BBS1: variants seen among roughly 807,000 people sequenced by gnomAD.
The protein encoded by BBS1 is Bardet-Biedl syndrome 1, also known as BBSome complex member BBS1.
Under a neutral mutation model 73.9 loss-of-function variants are expected in BBS1, and 60 were observed. That is an observed-to-expected ratio of 0.81 (90% CI 0.66 to 1.01). The LOEUF (loss-of-function observed/expected upper bound fraction) is 1.01. Among genes scored for constraint, BBS1 ranks in the 50% least tolerant of loss-of-function variants. BBS1 has a pLI of 0.00. For missense variants in BBS1, 718 were observed against 770.3 expected, an observed-to-expected ratio of 0.93 and a Z score of 0.80; for synonymous variants, 283 against 317.4, an observed-to-expected ratio of 0.89 and a Z score of 1.15.
Position 66,526,667 on chromosome 11 carries a change from A to C in BBS1, c.1199A>C (p.Lys400Thr). ...MTTRGGGLII[K>T]ILKRTAVFVE... is the part of the protein sequence containing the mutation. ...TCCCTAGGTGGTGGCCTGATCATCA[A>C]GATCCTGAAGCGTACAGCAGTGTTT... The change falls in exon 13 of 17, where the codon AAG becomes ACG. Residue 400 changes from lysine (K) to threonine (T), a missense_variant. Transcript: ENST00000318312. 6.2e-7 allele frequency: 1 copy of C among 1,614,222 alleles called. No individual in the cohort carries two copies.
At chr11:66,522,410 C>T (rs918007314) in intron 9 of BBS1, among the ~76,000 whole-genome samples, 1 of 150,662 alleles carries the variant, frequency 6.6e-6, no homozygotes, top group African/African-American at 2.4e-5. Context: ...TGCAGTGGCA[C>T]GATCTCGGCT....
At chr11:66,522,568 G>C (rs996646367) in intron 9 of BBS1, among the ~76,000 whole-genome samples, 2 of 151,988 alleles carry the variant, frequency 1.3e-5, no homozygotes, top group African/African-American at 4.8e-5. Flanking sequence ...GGCTGGTCTC[G>C]AACGCCTGAC....
chr11:66,526,735 A>T lies in BBS1; in HGVS notation c.1267A>T (p.Met423Leu). The T allele has an allele frequency of 1.9e-6, 3 of 1,614,248 alleles. No individual in the cohort carries two copies. The highest frequency in any genetic ancestry group is 2.5e-6 in the Non-Finnish European group (3 of 1,180,036). The change falls in exon 13 of 17, where the codon ATG becomes TTG. Residue 423 changes from methionine to leucine, a missense_variant. Transcript: ENST00000318312. ...GGTGGGTCCCCCACCAGCCCAGGCC[A>T]TGAAACTCAATGTGCCCCGAAAGAC... ...SEVGPPPAQA[M>L]KLNVPRKTRL...
At position 66,519,652 on chromosome 11, in the gene BBS1, C is replaced by T; in HGVS notation, c.627C>T (p.Asn209=). Residue 209 remains asparagine (N), a synonymous_variant, in exon 8 of 17, where the codon AAC becomes AAT. Transcript: ENST00000318312. ...VITTMTTLKK[N]LADEDAVSCL... ...CCACCATGACCACCTTGAAGAAGAA[C>T]CTGGCTGACGAGGATGCTGTGTCTT... 1 of 1,613,920 alleles carries T rather than the reference C, an allele frequency of 6.2e-7. No homozygotes were observed. Among genetic ancestry groups the T allele is most frequent in the Non-Finnish European group, 8.5e-7 (1 of 1,179,970 alleles).
chr11:66,529,206 C>T, intron 13 of BBS1: 1 of 1,477,676 alleles, frequency 6.8e-7, no homozygotes. Context: ...GCGGGGTGGG[C>T]CCTGGAGGTG....
chr11:66,522,943 T>G (rs1856305518), intron 9 of BBS1: 1 of 357,852 alleles, frequency 2.8e-6, no homozygotes, highest in Non-Finnish European at 5.5e-6. Flanking sequence ...GGGAAGAGTG[T>G]TGTAGGCCAA....
intron 11 of BBS1, among the ~76,000 whole-genome samples, chr11:66,524,581 G>A (rs1856402743): frequency 6.6e-6 from 1 of 152,160 alleles, no homozygotes; most frequent in African/African-American, 2.4e-5. Flanking sequence ...TGGACAAATG[G>A]AGGAAGAACA....
At position 66,514,670 on chromosome 11, in the gene BBS1, G is replaced by T. The variant is rs939185578; in HGVS notation, c.424G>T (p.Ala142Ser). Residue 142 changes from alanine (A) to serine (S), a missense_variant, in exon 4 of 17, where the codon GCC becomes TCC. Coordinates refer to ENST00000318312, the MANE Select transcript of BBS1 (RefSeq NM_024649.5). ...TCTGGAACAAGACCTTTGGAACCAG[G>T]CCAAAGAGGTAAATAAATAACATGG... ...NPLEQDLWNQAKEDRIDPLTL... is the reference protein window; with the variant it reads ...NPLEQDLWNQSKEDRIDPLTL... 15 of 1,611,518 alleles carry T rather than the reference G, an allele frequency of 9.3e-6. No homozygotes were observed. Among genetic ancestry groups the T allele is most frequent in the South Asian group, 1.1e-5 (1 of 91,072 alleles).
chr11:66,532,621 T>C lies in BBS1; in HGVS notation c.*584T>C. On this transcript the variant is annotated 3_prime_UTR_variant, in exon 17 of 17. Coordinates refer to ENST00000318312, the MANE Select transcript of BBS1 (RefSeq NM_024649.5). Reference sequence around the variant, plus strand: ...CCCTCCTCTCCCCAGGAAACTTCTCTGAAATCTTAGACTTAGCCAGTCTTA... The same window carrying C: ...CCCTCCTCTCCCCAGGAAACTTCTCCGAAATCTTAGACTTAGCCAGTCTTA... 1 of 155,008 alleles carries C rather than the reference T, an allele frequency of 6.5e-6. No homozygotes were observed. The highest frequency in any genetic ancestry group is 1.4e-5 in the Non-Finnish European group (1 of 69,692). 9.6% of individuals were successfully genotyped at this position (155,008 alleles called of 1,614,324 possible). A position where few individuals can be genotyped will look rare whatever the true frequency, so the allele number is the denominator to read the frequency against.
In BBS1 at chr11:66,531,994, C is replaced by T; in HGVS notation, c.1739C>T (p.Ala580Val). Reference protein sequence around the residue: ...REGQSAPLLSAHVNMPGSEGL... With the variant: ...REGQSAPLLSVHVNMPGSEGL... ...GGCCAAAGTGCACCCCTGCTGAGTG[C>T]CCACGTCAACATGCCTGGGAGCGAG... is the stretch of plus-strand genomic sequence containing the variant. The change falls in exon 17 of 17, where the codon GCC becomes GTC. Residue 580 changes from alanine to valine, a missense_variant. Ala to Val is a moderately conservative substitution (Grantham distance 64). Transcript: ENST00000318312. 1 of 1,607,388 alleles carries T rather than the reference C, an allele frequency of 6.2e-7. No homozygotes were observed. Among genetic ancestry groups the T allele is most frequent in the Non-Finnish European group, 8.5e-7 (1 of 1,177,514 alleles).
chr11:66,530,871 T>C, intron 14 of BBS1, 23 bp from the exon 15 acceptor site: 1 of 1,614,028 alleles, frequency 6.2e-7, no homozygotes, highest in African/African-American at 1.3e-5. Context: ...CCTAAGGGCT[T>C]TCTCCACCCA....
At chr11:66,515,436 A>C in intron 4 of BBS1, 104 bp from the exon 5 acceptor site, 2 of 1,272,972 alleles carry the variant, frequency 1.6e-6, no homozygotes, top group Non-Finnish European at 2.3e-6. Context: ...GCAGGGAGGC[A>C]GAGACCAAGA....
intron 4 of BBS1, among the ~76,000 whole-genome samples, 176 bp from the exon 5 acceptor site, chr11:66,515,364 T>C (rs1856026729): frequency 6.6e-6 from 1 of 152,010 alleles, no homozygotes; most frequent in African/African-American, 2.4e-5. Context: ...ATGATGTACA[T>C]GGCCATGAGA....
In BBS1 at chr11:66,526,720, C is replaced by G; in HGVS notation, c.1252C>G (p.Pro418Ala). 6.2e-7 allele frequency: 1 copy of G among 1,614,204 alleles called. No individual in the cohort carries two copies. The highest frequency in any genetic ancestry group is 8.5e-7 in the Non-Finnish European group (1 of 1,180,036). ...AGAGGGAGGAAGTGAGGTGGGTCCCCCACCAGCCCAGGCCATGAAACTCAA... is the reference window on the plus strand; with the variant it reads ...AGAGGGAGGAAGTGAGGTGGGTCCCGCACCAGCCCAGGCCATGAAACTCAA... ...FVEGGSEVGP[P>A]PAQAMKLNVP... is the part of the protein sequence containing the mutation. The change falls in exon 13 of 17, where the codon CCA (proline) becomes GCA (alanine). Residue 418 changes from proline (P) to alanine (A), a missense_variant. Physicochemically the swap from Pro to Ala is conservative, Grantham distance 27. Coordinates refer to ENST00000318312, the MANE Select transcript of BBS1 (RefSeq NM_024649.5).
intron 1 of BBS1, 128 bp downstream of exon 1, chr11:66,510,834 C>T: frequency 1.4e-6 from 2 of 1,447,684 alleles, no homozygotes; most frequent in Admixed American, 1.7e-5. Flanking sequence ...ATAGGGAAAC[C>T]GAGGCCTAAG....
intron 16 of BBS1, 89 bp downstream of exon 16, chr11:66,531,831 C>T (rs2134841971): frequency 1.2e-6 from 2 of 1,610,848 alleles, no homozygotes; most frequent in East Asian, 2.2e-5. Flanking sequence ...TTAGGGGGCT[C>T]CTGGGTGGGG....
In BBS1 at chr11:66,525,436, C is replaced by T. The variant is rs184472609; in HGVS notation, c.1111-687C>T. On this transcript the variant is annotated intron_variant, in intron 11 of 16. Transcript: ENST00000318312. The stretch of plus-strand genomic sequence containing the variant: ...GAAAAATTAGCCAAGCATGGTGGTG[C>T]ATGCCTATAATCGCATCTACTGGGA... Among the ~76,000 whole-genome samples, 372 of 151,814 alleles carry T rather than the reference C, an allele frequency of 2.5e-3. 1 individual carries two copies. Among genetic ancestry groups the T allele is most frequent in the African/African-American group, 8.3e-3 (342 of 41,386 alleles).
chr11:66,526,234 T>G, intron 12 of BBS1, 42 bp downstream of exon 12: 1 of 1,579,954 alleles, frequency 6.3e-7, no homozygotes, highest in South Asian at 1.1e-5. Context: ...AAGTCGGGAG[T>G]GAAGGGACAG....
At position 66,510,659 on chromosome 11, in the gene BBS1, G is replaced by T. The variant is rs904158783; in HGVS notation, c.-1G>T. The T allele has an allele frequency of 1.2e-6, 2 of 1,614,078 alleles. No individual in the cohort carries two copies. Among genetic ancestry groups the T allele is most frequent in the African/African-American group, 2.7e-5 (2 of 74,956 alleles). ...CGGTTGCCAGGACGACGCCTGCGAA[G>T]ATGGCCGCTGCGTCCTCATCGGATT... On this transcript the variant is annotated 5_prime_UTR_variant, in exon 1 of 17. Coordinates refer to ENST00000318312, the MANE Select transcript of BBS1 (RefSeq NM_024649.5).
Sources: allele counts gnomAD v4.1 joint callset (sites outside exome capture counted in the v4.1 genomes callset), GRCh38; gene constraint gnomAD v4.1.1; transcripts MANE v1.5; gene names NCBI Gene and HGNC (gene_info 2026-07-23, HGNC 2026-07-21).